CMTM3: variants seen among roughly 807,000 people sequenced by gnomAD.
The protein encoded by CMTM3 is CKLF like MARVEL transmembrane domain containing 3, also known as CKLF-like MARVEL transmembrane domain-containing protein 3.
CMTM3 carries 7 observed loss-of-function variants against 18.2 expected under a neutral mutation model. The ratio of observed to expected loss-of-function variants is 0.38; its 90% confidence interval spans 0.22 to 0.72. The LOEUF (loss-of-function observed/expected upper bound fraction) is 0.72. Among genes scored for constraint, CMTM3 ranks in the 30% least tolerant of loss-of-function variants. CMTM3 has a pLI of 0.46. For missense variants in CMTM3, 227 were observed against 249.2 expected, an observed-to-expected ratio of 0.91 and a Z score of 0.60; for synonymous variants, 109 against 111.2, an observed-to-expected ratio of 0.98 and a Z score of 0.12.
intron 1 of CMTM3, among the ~76,000 whole-genome samples, chr16:66,606,910 C>T (rs1009231704): frequency 2.6e-5 from 4 of 152,220 alleles, no homozygotes; most frequent in Non-Finnish European, 4.4e-5. Flanking sequence ...AGGAGAATCA[C>T]TTGAACCCCG....
intron 1 of CMTM3, among the ~76,000 whole-genome samples, chr16:66,606,209 TC>T (rs946464959): frequency 2.0e-5 from 3 of 151,922 alleles, no homozygotes; most frequent in African/African-American, 7.2e-5. Flanking sequence ...GTCCCCTCAC[TC>T]CCACCCCCAG....
In CMTM3 at chr16:66,612,841, G is replaced by A. The variant is rs1291114046; in HGVS notation, c.*204G>A. 14 of 613,502 alleles carry A rather than the reference G, an allele frequency of 2.3e-5. No homozygotes were observed. The highest frequency in any genetic ancestry group is 8.2e-5 in the East Asian group (3 of 36,510). The allele number at this position is 613,502 out of a possible 1,614,324, so 38.0% of individuals were successfully genotyped here. A position where few individuals can be genotyped will look rare whatever the true frequency, so the allele number is the denominator to read the frequency against. Reference sequence around the variant, plus strand: ...AGCTCAGCACTGTTGACCACGCTGCGTATGAGGGCATCTTGGGTATCCCAC... The same window carrying A: ...AGCTCAGCACTGTTGACCACGCTGCATATGAGGGCATCTTGGGTATCCCAC... On this transcript the variant is annotated 3_prime_UTR_variant, in exon 5 of 5. Transcript: ENST00000567572. The surrounding 1 kb of genome is among the most constrained non-coding windows in gnomAD (Gnocchi z 6.0).
chr16:66,604,797 G>A lies in CMTM3; in HGVS notation c.-9G>A. The A allele has an allele frequency of 3.2e-6, 4 of 1,247,118 alleles. No individual in the cohort carries two copies. Among genetic ancestry groups the A allele is most frequent in the Non-Finnish European group, 3.0e-6 (3 of 999,746 alleles). 77.3% of individuals were successfully genotyped at this position (1,247,118 alleles called of 1,614,324 possible). ...CAGGCCGAGCCCCGGCCCTACCGCC[G>A]CCGCCGCCATGTGGCCCCCAGACCC... On this transcript the variant is annotated 5_prime_UTR_variant, in exon 1 of 5. Transcript: ENST00000567572.
At chr16:66,607,165 CTG>C (rs1402317715) in intron 1 of CMTM3, among the ~76,000 whole-genome samples, 2 of 152,228 alleles carry the variant, frequency 1.3e-5, no homozygotes, top group African/African-American at 4.8e-5. Context: ...GTACCAGGCA[CTG>C]TGGAGCCCCA....
rs117251714 is a variant in CMTM3 at position 66,608,081 on chromosome 16, A to C, written c.148-228A>C. Among the ~76,000 whole-genome samples, 2,359 of 152,250 alleles carry C rather than the reference A, an allele frequency of 0.015. 30 individuals carry two copies. Among genetic ancestry groups the C allele is most frequent in the Non-Finnish European group, 0.019 (1,284 of 68,006 alleles). ...AGCTGGGGTCAAATTTCTGGGCTCA[A>C]GCAATCCACCTGCCTGGGCCTCTCA... On this transcript the variant is annotated intron_variant, in intron 1 of 4. Coordinates refer to ENST00000567572, the MANE Select transcript of CMTM3 (RefSeq NM_181553.4). This position sits in a 1 kb window ranked among gnomAD's most constrained non-coding sequence, Gnocchi z 5.1.
Position 66,612,581 on chromosome 16 carries a change from C to T in CMTM3, c.521-28C>T. ...AGGCACCGCTGCCCTGAGCCTCCTG[C>T]CAAGCATCCTCTCTGCTTTCCTTTC... On this transcript the variant is annotated intron_variant, in intron 4 of 4. Coordinates refer to ENST00000567572, the MANE Select transcript of CMTM3 (RefSeq NM_181553.4). The surrounding 1 kb of genome is among the most constrained non-coding windows in gnomAD (Gnocchi z 6.0). 6.2e-7 allele frequency: 1 copy of T among 1,613,476 alleles called. No individual in the cohort carries two copies. The highest frequency in any genetic ancestry group is 8.5e-7 in the Non-Finnish European group (1 of 1,179,674).
Position 66,612,756 on chromosome 16 carries a change from A to T in CMTM3, c.*119A>T. The T allele has an allele frequency of 5.2e-6, 5 of 964,672 alleles. No homozygotes were observed. The highest frequency in any genetic ancestry group is 1.5e-5 in the South Asian group (1 of 66,404). 59.8% of individuals were successfully genotyped at this position (964,672 alleles called of 1,614,324 possible). A position where few individuals can be genotyped will look rare whatever the true frequency, so the allele number is the denominator to read the frequency against. On this transcript the variant is annotated 3_prime_UTR_variant, in exon 5 of 5. Coordinates refer to ENST00000567572, the MANE Select transcript of CMTM3 (RefSeq NM_181553.4). This position sits in a 1 kb window ranked among gnomAD's most constrained non-coding sequence, Gnocchi z 6.0. ...CTGAGTTGCAGAGGGGGCTGCGGAC[A>T]CAGCAGGCCCCCTACAGCCTCAGGT...
rs548905957 is a variant in CMTM3 at position 66,606,809 on chromosome 16, A to G, written c.148-1500A>G. ...GGAATTCGAGACCAGCCTGGCCAGC[A>G]TGGTGAAACCCTGTCTCTACTAAAA... On this transcript the variant is annotated intron_variant, in intron 1 of 4. Coordinates refer to ENST00000567572, the MANE Select transcript of CMTM3 (RefSeq NM_181553.4). Among the ~76,000 whole-genome samples, 95 of 152,304 alleles carry G rather than the reference A, an allele frequency of 6.2e-4. 1 individual carries two copies. In the South Asian group the frequency reaches 0.011, roughly 18 times the overall value.
chr16:66,613,349 A>G lies in CMTM3; in HGVS notation c.*712A>G, dbSNP rs1365350543. 1.7e-5 allele frequency: 9 copies of G among 533,334 alleles called. No individual in the cohort carries two copies. Among genetic ancestry groups the G allele is most frequent in the Non-Finnish European group, 3.4e-6 (1 of 297,004 alleles). 33.0% of individuals were successfully genotyped at this position (533,334 alleles called of 1,614,324 possible). On this transcript the variant is annotated 3_prime_UTR_variant, in exon 5 of 5. Coordinates refer to ENST00000567572, the MANE Select transcript of CMTM3 (RefSeq NM_181553.4). ...GACTGGTCCAGAAGACAGAGGGTAC[A>G]ACAGTGGCATCACAGTGACAGTGTC...
rs56923752 is a variant in CMTM3, at chr16:66,608,844, G to A, written c.303+380G>A. Among the ~76,000 whole-genome samples the A allele has an allele frequency of 0.069, 10,439 of 152,248 alleles. 628 individuals carry two copies. Among genetic ancestry groups the A allele is most frequent in the African/African-American group, 0.15 (6,350 of 41,536 alleles). On this transcript the variant is annotated intron_variant, in intron 2 of 4. Coordinates refer to ENST00000567572, the MANE Select transcript of CMTM3 (RefSeq NM_181553.4). The surrounding 1 kb of genome is among the most constrained non-coding windows in gnomAD (Gnocchi z 5.1). ...AGGGCTTACCCAGACTTCAGCCATC[G>A]GCAACCCTGACCTCGTTTTATCACC...
At position 66,613,268 on chromosome 16, in the gene CMTM3, G is replaced by A. The variant is rs2015452657; in HGVS notation, c.*631G>A. 2 of 634,720 alleles carry A rather than the reference G, an allele frequency of 3.2e-6. No homozygotes were observed. The highest frequency in any genetic ancestry group is 5.7e-6 in the Non-Finnish European group (2 of 352,812). The allele number at this position is 634,720 out of a possible 1,614,324, so 39.3% of individuals were successfully genotyped here. A position where few individuals can be genotyped will look rare whatever the true frequency, so the allele number is the denominator to read the frequency against. On this transcript the variant is annotated 3_prime_UTR_variant, in exon 5 of 5. Coordinates refer to ENST00000567572, the MANE Select transcript of CMTM3 (RefSeq NM_181553.4). ...CCCACCCTTGGAAACCATGTCTTCT[G>A]GGGGTGAGATGACCATTCTGGGTCT...
chr16:66,608,478 C>G lies in CMTM3; in HGVS notation c.303+14C>G. 1 of 1,612,816 alleles carries G rather than the reference C, an allele frequency of 6.2e-7. No individual in the cohort carries two copies. Among genetic ancestry groups the G allele is most frequent in the East Asian group, 2.2e-5 (1 of 44,874 alleles). On this transcript the variant is annotated intron_variant, in intron 2 of 4. Transcript: ENST00000567572. The surrounding 1 kb of genome is among the most constrained non-coding windows in gnomAD (Gnocchi z 5.1). ...TGGCCCATGATGGTGAGGACAGGGG[C>G]CCCAGGAGGGAGGGGTGCCCTGCAC...
chr16:66,608,602 C>A lies in CMTM3; in HGVS notation c.303+138C>A. 1 of 801,936 alleles carries A rather than the reference C, an allele frequency of 1.2e-6. No individual in the cohort carries two copies. The highest frequency in any genetic ancestry group is 2.7e-5 in the East Asian group (1 of 37,572). 49.7% of individuals were successfully genotyped at this position (801,936 alleles called of 1,614,324 possible). ...GTTGGTTAGAACTGGATGGAGAGACCCAGCTTCAGATCATCCCAGCTCCAC... is the reference window on the plus strand; with the variant it reads ...GTTGGTTAGAACTGGATGGAGAGACACAGCTTCAGATCATCCCAGCTCCAC... On this transcript the variant is annotated intron_variant, in intron 2 of 4. Transcript: ENST00000567572. This position sits in a 1 kb window ranked among gnomAD's most constrained non-coding sequence, Gnocchi z 5.1.
chr16:66,605,432 G>A lies in CMTM3; in HGVS notation c.147+480G>A, dbSNP rs543320194. On this transcript the variant is annotated intron_variant, in intron 1 of 4. Coordinates refer to ENST00000567572, the MANE Select transcript of CMTM3 (RefSeq NM_181553.4). The surrounding 1 kb of genome is among the most constrained non-coding windows in gnomAD (Gnocchi z 4.6). ...TCCCCCACCCCCGGGACTGGGTGAG[G>A]CGGCCCCGCGGTGACTTCATCGCCC... 3.1e-3 allele frequency: 473 copies of A among 152,658 alleles called. 1 individual carries two copies. Among genetic ancestry groups the A allele is most frequent in the Non-Finnish European group, 4.7e-3 (321 of 68,318 alleles). 9.5% of individuals were successfully genotyped at this position (152,658 alleles called of 1,614,324 possible). A position where few individuals can be genotyped will look rare whatever the true frequency, so the allele number is the denominator to read the frequency against.
chr16:66,609,419 G>A lies in CMTM3; in HGVS notation c.304-16G>A. 6.2e-7 allele frequency: 1 copy of A among 1,607,972 alleles called. No individual in the cohort carries two copies. The highest frequency in any genetic ancestry group is 8.5e-7 in the Non-Finnish European group (1 of 1,176,604). ...CAGCTCCAGGGGCTCAGGGCAGCATGCCCCTCTCTCCCCAGGACTTCCTGC... is the reference window on the plus strand; with the variant it reads ...CAGCTCCAGGGGCTCAGGGCAGCATACCCCTCTCTCCCCAGGACTTCCTGC... On this transcript the variant is annotated splice_polypyrimidine_tract_variant and intron_variant, in intron 2 of 4. Transcript: ENST00000567572. This position sits in a 1 kb window ranked among gnomAD's most constrained non-coding sequence, Gnocchi z 4.4.
rs773605753 is a variant in CMTM3 at position 66,608,504 on chromosome 16, A to C, written c.303+40A>C. On this transcript the variant is annotated intron_variant, in intron 2 of 4. Coordinates refer to ENST00000567572, the MANE Select transcript of CMTM3 (RefSeq NM_181553.4). This position sits in a 1 kb window ranked among gnomAD's most constrained non-coding sequence, Gnocchi z 5.1. ...CCCAGGAGGGAGGGGTGCCCTGCAC[A>C]AAGTGGCCAGATGAGGAGTCCAGAG... is the stretch of plus-strand genomic sequence containing the variant. 170 of 1,606,900 alleles carry C rather than the reference A, an allele frequency of 1.1e-4. No individual in the cohort carries two copies. Among genetic ancestry groups the C allele is most frequent in the Non-Finnish European group, 1.4e-4 (168 of 1,177,474 alleles).
Position 66,604,742 on chromosome 16 carries a change from G to A in CMTM3, c.-64G>A. On this transcript the variant is annotated 5_prime_UTR_variant, in exon 1 of 5. Transcript: ENST00000567572. The stretch of plus-strand genomic sequence containing the variant: ...CTCCTTCCGCACAGCCCGGGTTTCC[G>A]CTTCCCTCCGGGCGCGAGAAGAGGG... 1.7e-6 allele frequency: 2 copies of A among 1,183,364 alleles called. No homozygotes were observed. The highest frequency in any genetic ancestry group is 2.1e-6 in the Non-Finnish European group (2 of 949,388). 73.3% of individuals were successfully genotyped at this position (1,183,364 alleles called of 1,614,324 possible).
rs1338826661 is a variant in CMTM3, at chr16:66,609,676, A to G, written c.399+146A>G. ...ATGATGATTCCAAAGTCCTCTCATTAAAGACTGACTCTACCCGGGGTTTTG... is the reference window on the plus strand; with the variant it reads ...ATGATGATTCCAAAGTCCTCTCATTGAAGACTGACTCTACCCGGGGTTTTG... On this transcript the variant is annotated intron_variant, in intron 3 of 4. Transcript: ENST00000567572. This position sits in a 1 kb window ranked among gnomAD's most constrained non-coding sequence, Gnocchi z 4.4. The G allele has an allele frequency of 6.5e-7, 1 of 1,536,736 alleles. No individual in the cohort carries two copies. The highest frequency in any genetic ancestry group is 1.4e-5 in the African/African-American group (1 of 72,874).
At chr16:66,606,028 C>T (rs924913838) in intron 1 of CMTM3, among the ~76,000 whole-genome samples, 12 of 151,990 alleles carry the variant, frequency 7.9e-5, no homozygotes, top group Non-Finnish European at 1.8e-4. Flanking sequence ...CTTGAACCCC[C>T]CCATCCCCAC....
Sources: gnomAD v4.1 joint callset for allele counts (sites outside exome capture counted in the v4.1 genomes callset) on GRCh38, gnomAD v4.1.1 for gene constraint, Gnocchi (gnomAD v3.1) non-coding constraint, MANE v1.5 for transcripts, NCBI Gene and HGNC (gene_info 2026-07-23, HGNC 2026-07-21) for gene names.